Variants in OTX2 observed in about 807,000 individuals in gnomAD.
OTX2 encodes the protein orthodenticle homeobox 2, also known as homeobox protein OTX2.
In OTX2, 4 loss-of-function variants were observed where a neutral mutation model predicts 29.0. The ratio of observed to expected loss-of-function variants is 0.14; its 90% CI spans 0.07 to 0.32. OTX2 has a LOEUF of 0.32. Among genes scored for constraint, OTX2 ranks in the 10% least tolerant of loss-of-function variants. The pLI is 1.00. For missense variants in OTX2, 298 were observed against 365.9 expected (o/e 0.81, Z 1.51); for synonymous variants, 134 against 141.0 (o/e 0.95, Z 0.35).
At chr14:56,806,505 G>T (rs1456906503) in intron 2 of OTX2, among the ~76,000 whole-genome samples, 1 of 152,238 alleles carries the variant, frequency 6.6e-6, no homozygotes, top group Non-Finnish European at 1.5e-5. Context: ...CCCCACATTT[G>T]TAGTGCAAGC....
rs1192883185 is a variant in OTX2, at chr14:56,801,715, A to G, written c.*20T>C. On this transcript the variant is annotated 3_prime_UTR_variant, in exon 5 of 5. Transcript: ENST00000672264. This position sits in a 1 kb window ranked among gnomAD's most constrained non-coding sequence, Gnocchi z 4.2. ...CCAGTATATTTAAAAATCACCCACA[A>G]AAAGAGGTTCTACAGGTCTTCACAA... 2 of 1,612,696 alleles carry G rather than the reference A, an allele frequency of 1.2e-6. No homozygotes were observed. Among genetic ancestry groups the G allele is most frequent in the East Asian group, 2.2e-5 (1 of 44,884 alleles).
In OTX2 at chr14:56,801,934, G is replaced by A; in HGVS notation, c.695C>T (p.Thr232Ile). The change falls in exon 5 of 5, where the codon ACC (threonine) becomes ATC (isoleucine). Residue 232 changes from threonine (T) to isoleucine (I), a missense_variant. Thr to Ile is a moderately conservative substitution (Grantham distance 89). Coordinates refer to ENST00000672264, the MANE Select transcript of OTX2 (RefSeq NM_021728.4). The surrounding 1 kb of genome is among the most constrained non-coding windows in gnomAD (Gnocchi z 4.2). ...GPGATLSPMG[T>I]NAVTSHLNQS... Reference sequence around the variant, plus strand: ...ATTGAGATGGCTGGTGACTGCATTGGTACCCATGGGACTGAGTGTGGCCCC... The same window carrying A: ...ATTGAGATGGCTGGTGACTGCATTGATACCCATGGGACTGAGTGTGGCCCC... 1 of 1,614,196 alleles carries A rather than the reference G, an allele frequency of 6.2e-7. No homozygotes were observed. The highest frequency in any genetic ancestry group is 8.5e-7 in the Non-Finnish European group (1 of 1,180,040).
At chr14:56,806,289 C>T (rs1892088067) in intron 2 of OTX2, among the ~76,000 whole-genome samples, 1 of 152,120 alleles carries the variant, frequency 6.6e-6, no homozygotes, top group African/African-American at 2.4e-5. Flanking sequence ...AATTAGATTT[C>T]GAGGTAAGTA....
In OTX2 at chr14:56,802,129, G is replaced by T; in HGVS notation, c.500C>A (p.Pro167Gln). ...VSIWSPASISPLSDPLSTSSS... is the reference protein window; with the variant it reads ...VSIWSPASISQLSDPLSTSSS... ...GGAGGTGGACAAGGGATCTGACAGT[G>T]GGGAGATGGAAGCTGGGCTCCAGAT... The change falls in exon 5 of 5, where the codon CCA becomes CAA. Residue 167 changes from proline to glutamine, a missense_variant. Coordinates refer to ENST00000672264, the MANE Select transcript of OTX2 (RefSeq NM_021728.4). The surrounding 1 kb of genome is among the most constrained non-coding windows in gnomAD (Gnocchi z 4.4). 6.2e-7 allele frequency: 1 copy of T among 1,614,132 alleles called. No individual in the cohort carries two copies. Among genetic ancestry groups the T allele is most frequent in the Non-Finnish European group, 8.5e-7 (1 of 1,180,004 alleles).
chr14:56,808,969 C>T (rs1892183480), intron 2 of OTX2, among the ~76,000 whole-genome samples: 1 of 152,256 alleles, frequency 6.6e-6, no homozygotes, highest in Non-Finnish European at 1.5e-5. Context: ...CGCCCGCGCC[C>T]GGCGCTGGCA....
chr14:56,802,452 A>C lies in OTX2; in HGVS notation c.274-97T>G, dbSNP rs1232935593. ...TAAATCTATCCTACATGGGCAGATCAGCTAAACACACAATTTCCCCTGCCA... is the reference window on the plus strand; with the variant it reads ...TAAATCTATCCTACATGGGCAGATCCGCTAAACACACAATTTCCCCTGCCA... On this transcript the variant is annotated intron_variant, in intron 4 of 4. Transcript: ENST00000672264. This position sits in a 1 kb window ranked among gnomAD's most constrained non-coding sequence, Gnocchi z 4.4. The C allele has an allele frequency of 7.5e-7, 1 of 1,326,162 alleles. No homozygotes were observed. The highest frequency in any genetic ancestry group is 1.7e-5 in the Admixed American group (1 of 59,632). 82.1% of individuals were successfully genotyped at this position (1,326,162 alleles called of 1,614,324 possible). A position where few individuals can be genotyped will look rare whatever the true frequency, so the allele number is the denominator to read the frequency against.
chr14:56,809,974 T>C (rs980405016), intron 2 of OTX2, among the ~76,000 whole-genome samples, 185 bp downstream of exon 2: 3 of 152,164 alleles, frequency 2.0e-5, no homozygotes, highest in African/African-American at 7.2e-5. Flanking sequence ...CATCTCTAGA[T>C]CACATTTTTC....
rs1289220071 is a variant in OTX2, at chr14:56,804,987, CT to C, written c.97+372del. ...AAGGACTTACGGAGGGAAAACTCAG[CT>C]TCTCCAAGAGGACACTTCTGAGGAA... On this transcript the variant is annotated intron_variant, in intron 3 of 4. Transcript: ENST00000672264. The surrounding 1 kb of genome is among the most constrained non-coding windows in gnomAD (Gnocchi z 4.1). Among the ~76,000 whole-genome samples the C allele has an allele frequency of 2.0e-5, 3 of 152,180 alleles. No homozygotes were observed. The highest frequency in any genetic ancestry group is 7.2e-5 in the African/African-American group (3 of 41,448).
In OTX2 at chr14:56,804,416, G is replaced by A; in HGVS notation, c.98-53C>T. 5.9e-6 allele frequency: 9 copies of A among 1,530,080 alleles called. No homozygotes were observed. The highest frequency in any genetic ancestry group is 1.4e-5 in the African/African-American group (1 of 73,534). 94.8% of individuals were successfully genotyped at this position (1,530,080 alleles called of 1,614,324 possible). On this transcript the variant is annotated intron_variant, in intron 3 of 4. Transcript: ENST00000672264. The surrounding 1 kb of genome is among the most constrained non-coding windows in gnomAD (Gnocchi z 4.1). ...TCATAGGCGTTTCCGCGGGTTCTCC[G>A]ACGCCCCTGCCCTCCACCCCGCAGC...
intron 1 of OTX2, 40 bp from the exon 2 acceptor site, chr14:56,810,262 T>A (rs1359754766): frequency 1.3e-5 from 2 of 152,170 alleles, no homozygotes; most frequent in African/African-American, 2.4e-5. Context: ...AACCTTGCAG[T>A]CTTCACCCTT....
At chr14:56,805,026 AT>A (rs1892032129) in intron 3 of OTX2, among the ~76,000 whole-genome samples, 1 of 152,130 alleles carries the variant, frequency 6.6e-6, no homozygotes, top group Admixed American at 6.5e-5. Context: ...GGTCATTGAG[AT>A]ATGGGTAGGG....
chr14:56,809,043 C>T (rs1377050207), intron 2 of OTX2, among the ~76,000 whole-genome samples: 6 of 152,278 alleles, frequency 3.9e-5, no homozygotes, highest in African/African-American at 1.2e-4. Context: ...GCGAACCCCT[C>T]GGCCCCCGCC....
rs1303200331 is a variant in OTX2 at position 56,800,458 on chromosome 14, G to C, written c.*1277C>G. On this transcript the variant is annotated 3_prime_UTR_variant, in exon 5 of 5. Coordinates refer to ENST00000672264, the MANE Select transcript of OTX2 (RefSeq NM_021728.4). ...TCAGGTTTGAAGTAGGGAGGGAAAA[G>C]CAAGGAAAACAAGATCTTGTTGTTA... 1 of 151,994 alleles carries C rather than the reference G, an allele frequency of 6.6e-6. No homozygotes were observed. The highest frequency in any genetic ancestry group is 6.6e-5 in the Admixed American group (1 of 15,266). 9.4% of individuals were successfully genotyped at this position (151,994 alleles called of 1,614,324 possible).
At position 56,800,543 on chromosome 14, in the gene OTX2, A is replaced by G. The variant is rs1445700936; in HGVS notation, c.*1192T>C. The G allele has an allele frequency of 1.3e-5, 2 of 152,014 alleles. No individual in the cohort carries two copies. Among genetic ancestry groups the G allele is most frequent in the African/African-American group, 2.4e-5 (1 of 41,382 alleles). The allele number at this position is 152,014 out of a possible 1,614,324, so 9.4% of individuals were successfully genotyped here. A position where few individuals can be genotyped will look rare whatever the true frequency, so the allele number is the denominator to read the frequency against. On this transcript the variant is annotated 3_prime_UTR_variant, in exon 5 of 5. Transcript: ENST00000672264. ...GAAAGTCACAAAAAGTCTACCTACC[A>G]CTGTCATTCATATCTATTTTATGCA...
Position 56,801,824 on chromosome 14 carries a change from C to T in OTX2, c.805G>A (p.Asp269Asn). ...TTAAGCTTCCAGGAGGCAGTTTGGT[C>T]CTTATAATCCAAGCAATCAGTGGTT... ...NSTTDCLDYK[D>N]QTASWKLNFN... Residue 269 changes from aspartate (D) to asparagine (N), a missense_variant, in exon 5 of 5, where the codon GAC (aspartate) becomes AAC (asparagine). Around this residue, in one of 3 missense-constraint regions of OTX2, gnomAD observed 219 missense variants for 223.5 expected, o/e 0.98. Coordinates refer to ENST00000672264, the MANE Select transcript of OTX2 (RefSeq NM_021728.4). The surrounding 1 kb of genome is among the most constrained non-coding windows in gnomAD (Gnocchi z 4.2). 1 of 1,614,168 alleles carries T rather than the reference C, an allele frequency of 6.2e-7. No individual in the cohort carries two copies. The highest frequency in any genetic ancestry group is 8.5e-7 in the Non-Finnish European group (1 of 1,180,048).
chr14:56,802,456 A>G lies in OTX2; in HGVS notation c.274-101T>C, dbSNP rs1594953083. On this transcript the variant is annotated intron_variant, in intron 4 of 4. Transcript: ENST00000672264. This position sits in a 1 kb window ranked among gnomAD's most constrained non-coding sequence, Gnocchi z 4.4. ...TCTATCCTACATGGGCAGATCAGCTAAACACACAATTTCCCCTGCCACTGA... is the reference window on the plus strand; with the variant it reads ...TCTATCCTACATGGGCAGATCAGCTGAACACACAATTTCCCCTGCCACTGA... The G allele has an allele frequency of 7.6e-7, 1 of 1,314,608 alleles. No individual in the cohort carries two copies. Among genetic ancestry groups the G allele is most frequent in the Non-Finnish European group, 1.1e-6 (1 of 917,892 alleles). 81.4% of individuals were successfully genotyped at this position (1,314,608 alleles called of 1,614,324 possible).
intron 2 of OTX2, among the ~76,000 whole-genome samples, 192 bp downstream of exon 2, chr14:56,809,967 C>T (rs1042732358): frequency 1.3e-5 from 2 of 152,218 alleles, no homozygotes; most frequent in Non-Finnish European, 2.9e-5. Flanking sequence ...CCGCTCTCAT[C>T]TCTAGATCAC....
chr14:56,805,271 A>T (rs1892042113), intron 3 of OTX2, 89 bp downstream of exon 3: 3 of 888,470 alleles, frequency 3.4e-6, no homozygotes, highest in Non-Finnish European at 5.6e-6. Context: ...GTGACTGCCA[A>T]CCCCCGTGTT....
intron 3 of OTX2, among the ~76,000 whole-genome samples, chr14:56,805,016 G>A (rs912395625): frequency 6.6e-6 from 1 of 152,158 alleles, no homozygotes; most frequent in African/African-American, 2.4e-5. Context: ...CTGAGGAATT[G>A]GTCATTGAGA....
Sources: gnomAD v4.1 joint callset for allele counts (sites outside exome capture counted in the v4.1 genomes callset) on GRCh38, gnomAD v4.1.1 for gene constraint, gnomAD v4.1.1 regional missense constraint, Gnocchi (gnomAD v3.1) non-coding constraint, MANE v1.5 for transcripts, NCBI Gene and HGNC (gene_info 2026-07-23, HGNC 2026-07-21) for gene names.